The following MAD1L1 variants were observed in gnomAD, a reference collection of about 807,000 sequenced individuals.
MAD1L1 encodes mitotic arrest deficient 1 like 1, also known as mitotic spindle assembly checkpoint protein MAD1.
Under a neutral mutation model 96.9 loss-of-function variants are expected in MAD1L1, and 95 were observed. That is an observed-to-expected ratio of 0.98 (90% CI 0.83 to 1.16). The LOEUF is 1.16. MAD1L1 is among the 50% of genes most tolerant of loss of function. The probability of loss-of-function intolerance (pLI) is 0.00; values close to 1 mark genes in which losing one functional copy is unlikely to be tolerated. For synonymous variants in MAD1L1, 473 were observed against 396.6 expected, an observed-to-expected ratio of 1.19 and a Z score of -2.29; for missense variants, 1,007 against 954.4, an observed-to-expected ratio of 1.06 and a Z score of -0.73.
At chr7:2,180,306 C>T (rs1791142140) in intron 10 of MAD1L1, among the ~76,000 whole-genome samples, 1 of 152,232 alleles carries the variant, frequency 6.6e-6, no homozygotes, top group African/African-American at 2.4e-5. Context: ...GAGTGGCCAC[C>T]ACCTGGCCCA....
intron 11 of MAD1L1, among the ~76,000 whole-genome samples, chr7:2,085,164 A>C (rs911648768): frequency 2.0e-5 from 3 of 152,190 alleles, no homozygotes; most frequent in Non-Finnish European, 2.9e-5. Context: ...GGGTCTCAGA[A>C]CCGTAACTCC....
intron 11 of MAD1L1, among the ~76,000 whole-genome samples, chr7:2,095,408 C>T (rs927123437): frequency 1.3e-5 from 2 of 152,152 alleles, no homozygotes; most frequent in African/African-American, 4.8e-5. Context: ...AAGAAAAAGC[C>T]AAGCACACAT....
intron 11 of MAD1L1, among the ~76,000 whole-genome samples, chr7:2,089,644 C>T (rs550476892): frequency 1.3e-5 from 2 of 151,974 alleles, no homozygotes; most frequent in African/African-American, 4.8e-5. Flanking sequence ...AATCACACTT[C>T]CAATACCTGT....
chr7:1,820,401 G>A (rs1782062039), intron 18 of MAD1L1, among the ~76,000 whole-genome samples: 1 of 152,144 alleles, frequency 6.6e-6, no homozygotes, highest in South Asian at 2.1e-4. Flanking sequence ...GAAGCAGGAG[G>A]AGGAAATAAT....
intron 1 of MAD1L1, among the ~76,000 whole-genome samples, chr7:2,231,450 T>A (rs772570383): frequency 6.6e-6 from 1 of 151,834 alleles, no homozygotes; most frequent in African/African-American, 2.4e-5. Context: ...TGAAACCCCA[T>A]CTCTACTAAA....
At chr7:1,950,466 G>T (rs528525064) in intron 16 of MAD1L1, among the ~76,000 whole-genome samples, 2 of 152,210 alleles carry the variant, frequency 1.3e-5, no homozygotes, top group Admixed American at 6.5e-5. Flanking sequence ...GTAATCACCC[G>T]CTGACTTCCA....
At chr7:1,976,408 T>C (rs1275974935) in intron 15 of MAD1L1, among the ~76,000 whole-genome samples, 2 of 152,076 alleles carry the variant, frequency 1.3e-5, no homozygotes, top group Admixed American at 6.6e-5. Context: ...TCATGGTGAG[T>C]GTTACAGCTC....
At chr7:2,013,379 G>C (rs1312210600) in intron 13 of MAD1L1, among the ~76,000 whole-genome samples, 1 of 152,270 alleles carries the variant, frequency 6.6e-6, no homozygotes, top group African/African-American at 2.4e-5. Flanking sequence ...TGAGACCAAA[G>C]AGCTCACAGA....
intron 10 of MAD1L1, among the ~76,000 whole-genome samples, chr7:2,160,009 C>A (rs2128587493): frequency 6.6e-6 from 1 of 152,228 alleles, no homozygotes; most frequent in East Asian, 1.9e-4. Flanking sequence ...GGGTAGATCA[C>A]TTGAGCCCAG....
At chr7:2,176,711 T>C (rs1000954045) in intron 10 of MAD1L1, among the ~76,000 whole-genome samples, 10 of 152,074 alleles carry the variant, frequency 6.6e-5, no homozygotes, top group African/African-American at 2.4e-4. Flanking sequence ...CATAGTAAAC[T>C]ATACTGTCTC....
intron 18 of MAD1L1, among the ~76,000 whole-genome samples, chr7:1,882,504 G>T: frequency 6.6e-6 from 1 of 152,336 alleles, no homozygotes; most frequent in East Asian, 1.9e-4. Flanking sequence ...CGCGCGGGCC[G>T]TGTTTGACGT....
rs1786904106 is a variant in MAD1L1, at chr7:2,103,154, T to C, written c.1074-33816A>G. Among the ~76,000 whole-genome samples, 1 of 152,038 alleles carries C rather than the reference T, an allele frequency of 6.6e-6. No individual in the cohort carries two copies. Reference sequence around the variant, plus strand: ...CTGCCTCTGCCTGGAACGGGCTCTCTCCCCTGCCCCTGCACCCTACAAAGG... The same window carrying C: ...CTGCCTCTGCCTGGAACGGGCTCTCCCCCCTGCCCCTGCACCCTACAAAGG... On this transcript the variant is annotated intron_variant, in intron 11 of 18. Coordinates refer to ENST00000265854, the MANE Select transcript of MAD1L1 (RefSeq NM_001013836.2). This position sits in a 1 kb window ranked among gnomAD's most constrained non-coding sequence, Gnocchi z 4.3.
At chr7:1,867,176 A>C (rs1305130834) in intron 18 of MAD1L1, among the ~76,000 whole-genome samples, 1 of 152,204 alleles carries the variant, frequency 6.6e-6, no homozygotes, top group Non-Finnish European at 1.5e-5. Flanking sequence ...TCAGTGCCAC[A>C]GACATGGGCA....
chr7:2,093,243 T>TC, intron 11 of MAD1L1, among the ~76,000 whole-genome samples: 1 of 13,150 alleles, frequency 7.6e-5, no homozygotes, highest in Non-Finnish European at 1.6e-4. Context: ...AGACTCCGTG[T>TC]CAAAAAAAAA....
At chr7:2,011,054 G>A (rs1782276650) in intron 13 of MAD1L1, among the ~76,000 whole-genome samples, 2 of 152,206 alleles carry the variant, frequency 1.3e-5, no homozygotes, top group African/African-American at 2.4e-5. Context: ...AGCAGGGAGA[G>A]AGGGAGGCAG....
At chr7:2,039,305 AT>A (rs1196963969) in intron 12 of MAD1L1, among the ~76,000 whole-genome samples, 2 of 152,202 alleles carry the variant, frequency 1.3e-5, no homozygotes, top group African/African-American at 4.8e-5. Context: ...TTTGGCCATT[AT>A]GCAAAAGCTG....
intron 11 of MAD1L1, chr7:2,109,435 G>A (rs1388589021): frequency 6.6e-6 from 1 of 152,218 alleles, no homozygotes; most frequent in East Asian, 1.9e-4. Flanking sequence ...CTCAAGAGTG[G>A]GGCCCCAAGG....
At chr7:1,866,536 G>A (rs1161096136) in intron 18 of MAD1L1, among the ~76,000 whole-genome samples, 1 of 152,200 alleles carries the variant, frequency 6.6e-6, no homozygotes, top group Non-Finnish European at 1.5e-5. Flanking sequence ...CTGTGCTGAG[G>A]AGAGGTCTTA....
At chr7:1,869,272 C>T (rs1475732861) in intron 18 of MAD1L1, among the ~76,000 whole-genome samples, 1 of 152,038 alleles carries the variant, frequency 6.6e-6, no homozygotes, top group Non-Finnish European at 1.5e-5. Context: ...GCACCCCTTG[C>T]CTGGGACCCC....
Sources: gnomAD v4.1 joint callset for allele counts (sites outside exome capture counted in the v4.1 genomes callset) on GRCh38, gnomAD v4.1.1 for gene constraint, Gnocchi (gnomAD v3.1) non-coding constraint, MANE v1.5 for transcripts, NCBI Gene and HGNC (gene_info 2026-07-23, HGNC 2026-07-21) for gene names.